The following ZNF345 variants were observed in gnomAD, a reference collection of about 807,000 sequenced individuals.
The protein encoded by ZNF345 is zinc finger protein HZF10.
For synonymous variants in ZNF345, 166 were observed against 187.9 expected (o/e 0.88, Z 0.95); for missense variants, 527 against 589.9 (o/e 0.89, Z 1.10).
At chr19:36,891,655 G>A (rs751130418) in intron 3 of ZNF345, 1 of 1,613,458 alleles carries the variant, frequency 6.2e-7, no homozygotes, top group Middle Eastern at 1.7e-4. Context: ...ACATTCATAT[G>A]GTTTTTCATC....
At chr19:36,860,629 T>A (rs2072527491) in intron 2 of ZNF345, among the ~76,000 whole-genome samples, 1 of 152,206 alleles carries the variant, frequency 6.6e-6, no homozygotes, top group Non-Finnish European at 1.5e-5. Flanking sequence ...AGGCTATGAA[T>A]TTTGTGGCAG....
At chr19:36,850,759 C>A (rs1272792252), upstream of ZNF345, 1 of 152,258 alleles carries the variant, frequency 6.6e-6, no homozygotes, top group Non-Finnish European at 1.5e-5. Context: ...GATGGCTGGG[C>A]TGTAGCTTTC....
At position 36,878,622 on chromosome 19, in the gene ZNF345, T is replaced by A. The variant is rs1449362921; in HGVS notation, c.*325T>A. The A allele has an allele frequency of 5.3e-6, 1 of 186,958 alleles. No homozygotes were observed. Among genetic ancestry groups the A allele is most frequent in the Non-Finnish European group, 1.1e-5 (1 of 91,458 alleles). The allele number at this position is 186,958 out of a possible 1,614,324, so 11.6% of individuals were successfully genotyped here. ...TAATCCTACTATATTTTTTCAATGG[T>A]CTTTTTTTTTTGTATTATACAGAAT... On this transcript the variant is annotated 3_prime_UTR_variant, in exon 3 of 3. Coordinates refer to ENST00000420450, the MANE Select transcript of ZNF345 (RefSeq NM_001242472.2).
At chr19:36,871,033 T>C (rs999897836) in intron 2 of ZNF345, among the ~76,000 whole-genome samples, 3 of 152,222 alleles carry the variant, frequency 2.0e-5, no homozygotes, top group African/African-American at 7.2e-5. Context: ...AAACTAGTTA[T>C]CTTATAAACA....
At chr19:36,892,953 G>A (rs1258327403) in exon 4 of ZNF345, 4 of 593,518 alleles carry the variant, frequency 6.7e-6, no homozygotes, top group African/African-American at 5.8e-5. Flanking sequence ...AGGCCAGCAG[G>A]ATGCCGCTTC....
chr19:36,892,587 A>G (rs2073068693), intron 3 of ZNF345: 1 of 1,139,644 alleles, frequency 8.8e-7, no homozygotes, highest in African/African-American at 1.5e-5. Flanking sequence ...ACAGTTTTCA[A>G]AGGTGGAGAG....
At chr19:36,855,400 G>A (rs1377873267) in intron 2 of ZNF345, among the ~76,000 whole-genome samples, 7 of 147,168 alleles carry the variant, frequency 4.8e-5, no homozygotes, top group Admixed American at 2.0e-4. Flanking sequence ...TGCCCGCCTC[G>A]GCCTCCCAAA....
At chr19:36,891,938 GA>G in intron 3 of ZNF345, 1 of 1,613,934 alleles carries the variant, frequency 6.2e-7, no homozygotes, top group Non-Finnish European at 8.5e-7. Flanking sequence ...CTCAGATGTA[GA>G]AAAAGTTGTG....
At chr19:36,886,718 T>A (rs988655336) in intron 3 of ZNF345, among the ~76,000 whole-genome samples, 3 of 151,226 alleles carry the variant, frequency 2.0e-5, no homozygotes, top group African/African-American at 7.3e-5. Context: ...CCGGGCGCGG[T>A]GGCTCACGCC....
intron 2 of ZNF345, among the ~76,000 whole-genome samples, 193 bp downstream of exon 2, chr19:36,852,097 ATTTTTCTTTTTCTTTT>A (rs1283961508): frequency 4.8e-5 from 5 of 103,754 alleles, no homozygotes; most frequent in Non-Finnish European, 1.1e-4. Flanking sequence ...GATGGTTTTA[ATTTTTCTTTTTCTTTT>A]TTTTTTCTTT....
intron 2 of ZNF345, among the ~76,000 whole-genome samples, chr19:36,874,492 TAAA>T (rs71171474): frequency 3.3e-5 from 3 of 91,310 alleles, no homozygotes; most frequent in Admixed American, 1.1e-4. Flanking sequence ...GAAACTCCAC[TAAA>T]AAAAAAAAAA....
In ZNF345 at chr19:36,876,868, G is replaced by A; in HGVS notation, c.38G>A (p.Ser13Asn). Residue 13 changes from serine (S) to asparagine (N), a missense_variant, in exon 3 of 3, where the codon AGT (serine) becomes AAT (asparagine). Transcript: ENST00000420450. ...NLTKHSIECS[S>N]FRGDWECKNQ... The stretch of plus-strand genomic sequence containing the variant: ...ACAAAACACAGCATTGAGTGTTCAA[G>A]TTTCAGAGGTGATTGGGAATGTAAA... The A allele has an allele frequency of 6.2e-7, 1 of 1,613,514 alleles. No homozygotes were observed. Among genetic ancestry groups the A allele is most frequent in the South Asian group, 1.1e-5 (1 of 90,952 alleles).
chr19:36,888,727 T>A (rs1163022484), intron 3 of ZNF345: 1 of 152,116 alleles, frequency 6.6e-6, no homozygotes, highest in Non-Finnish European at 1.5e-5. Context: ...GAGTCTGGCT[T>A]TGTTGCTCCC....
intron 2 of ZNF345, among the ~76,000 whole-genome samples, chr19:36,863,822 G>C (rs1247708186): frequency 6.6e-6 from 1 of 152,180 alleles, no homozygotes; most frequent in East Asian, 1.9e-4. Flanking sequence ...TAATGGTCAA[G>C]TACAGCAACT....
At chr19:36,882,510 G>T (rs1177946880), downstream of ZNF345, among the ~76,000 whole-genome samples, 1 of 152,022 alleles carries the variant, frequency 6.6e-6, no homozygotes, top group Admixed American at 6.6e-5. Flanking sequence ...CTCGTGATCC[G>T]CCCGCCTCGG....
chr19:36,855,956 C>T (rs1206539514), intron 2 of ZNF345, among the ~76,000 whole-genome samples: 2 of 152,166 alleles, frequency 1.3e-5, no homozygotes, highest in Admixed American at 1.3e-4. Flanking sequence ...AGAGCGTGAC[C>T]TTAAGTATCA....
At chr19:36,867,648 C>G (rs1043389776) in intron 2 of ZNF345, among the ~76,000 whole-genome samples, 8 of 152,144 alleles carry the variant, frequency 5.3e-5, no homozygotes, top group African/African-American at 1.9e-4. Flanking sequence ...TATGATTTAG[C>G]ACTTCTGTTT....
chr19:36,862,706 G>C (rs1459746287), intron 2 of ZNF345, among the ~76,000 whole-genome samples: 4 of 147,778 alleles, frequency 2.7e-5, no homozygotes, highest in African/African-American at 1.0e-4. Context: ...TATGCAAAAA[G>C]GTAAAGTTAG....
intron 2 of ZNF345, among the ~76,000 whole-genome samples, chr19:36,864,588 G>T (rs1457390099): frequency 6.6e-6 from 1 of 152,050 alleles, no homozygotes; most frequent in East Asian, 1.9e-4. Flanking sequence ...CGAGGAAGAC[G>T]CCCTCCCAGG....
Sources: allele counts gnomAD v4.1 joint callset (sites outside exome capture counted in the v4.1 genomes callset), GRCh38; gene constraint gnomAD v4.1.1; transcripts MANE v1.5; gene names NCBI Gene and HGNC (gene_info 2026-07-23, HGNC 2026-07-21).